Variants in SYP observed in about 807,000 individuals in gnomAD.
SYP encodes the protein major synaptic vesicle protein P38.
Under a neutral mutation model 24.3 loss-of-function variants are expected in SYP, and 2 were observed. That is an observed-to-expected ratio of 0.08 (90% CI 0.03 to 0.26). The LOEUF (loss-of-function observed/expected upper bound fraction) is 0.26. Ranked by LOEUF, SYP falls within the 10% of genes least tolerant of loss-of-function variation. SYP has a pLI of 1.00. For missense variants in SYP, 216 were observed against 266.3 expected (o/e 0.81, Z 1.32); for synonymous variants, 143 against 123.2 (o/e 1.16, Z -1.07).
chrX:49,196,709 C>T (rs1285880453), intron 3 of SYP, among the ~76,000 whole-genome samples: 1 of 111,804 alleles, frequency 8.9e-6, no homozygotes, highest in Non-Finnish European at 1.9e-5. Flanking sequence ...TCTGTCATCC[C>T]ACCCTGCAGG....
Position 49,199,022 on chromosome X carries a change from C to T in SYP, c.48G>A (p.Gly16=). The T allele has an allele frequency of 8.3e-7, 1 of 1,211,585 alleles. No homozygotes were observed. The highest frequency in any genetic ancestry group is 1.7e-5 in the African/African-American group (1 of 57,824). Residue 16 remains glycine (G), a synonymous_variant, in exon 2 of 7, where the codon GGG becomes GGA. Transcript: ENST00000263233. ...GCTCCTTGACCACCCGGAACTGACC[C>T]CCAGCCACCAGCTGAGGAGAGAAAC... ...DMDVVNQLVA[G]GQFRVVKEPL...
chrX:49,191,897 C>T (rs1239742252), intron 5 of SYP, 134 bp from the exon 6 acceptor site: 1 of 726,539 alleles, frequency 1.4e-6, no homozygotes, highest in Non-Finnish European at 2.1e-6. Context: ...CTCTCTGAGT[C>T]CCAGTGCGAG....
At chrX:49,193,535 G>A in intron 4 of SYP, 72 bp from the exon 5 acceptor site, 2 of 1,095,323 alleles carry the variant, frequency 1.8e-6, no homozygotes, top group Non-Finnish European at 2.5e-6. Flanking sequence ...GGGCCTCCTC[G>A]GATCACAGGT....
At chrX:49,198,009 G>T in intron 2 of SYP, 170 bp from the exon 3 acceptor site, 2 of 568,617 alleles carry the variant, frequency 3.5e-6, no homozygotes, top group Non-Finnish European at 2.9e-6. Context: ...TGATTACAAG[G>T]GTATGGCTGT....
rs1303504690 is a variant in SYP at position 49,188,876 on chromosome X, A to T, written c.*411T>A. The T allele has an allele frequency of 9.0e-6, 1 of 111,299 alleles. No individual in the cohort carries two copies. The allele number at this position is 111,299 out of a possible 1,213,427, so 9.2% of individuals were successfully genotyped here. On this transcript the variant is annotated 3_prime_UTR_variant, in exon 7 of 7. Coordinates refer to ENST00000263233, the MANE Select transcript of SYP (RefSeq NM_003179.3). The stretch of plus-strand genomic sequence containing the variant: ...TTGTTCAGGCAGGCATTGCTGGAGG[A>T]ACCAAGGCCAGAGTTGGGAGGAGTG...
intron 5 of SYP, 53 bp downstream of exon 5, chrX:49,193,219 C>T (rs1255653988): frequency 2.9e-5 from 34 of 1,174,072 alleles, no homozygotes; most frequent in Non-Finnish European, 3.6e-5. Context: ...ACTCCCCATG[C>T]CGGACTGTAC....
Position 49,200,153 on chromosome X carries a change from G to C in SYP, c.34C>G (p.Gln12Glu), listed in dbSNP as rs1291508265. 4.3e-6 allele frequency: 5 copies of C among 1,164,694 alleles called. No homozygotes were observed. The highest frequency in any genetic ancestry group is 5.7e-6 in the Non-Finnish European group (5 of 871,926). ...GTCCACGGTGCTGGAGCGCGTACCT[G>C]ATTCACCACGTCCATGTCCGCCAGC... Reference protein sequence around the residue: ...LLLADMDVVNQLVAGGQFRVV... With the variant: ...LLLADMDVVNELVAGGQFRVV... The change falls in exon 1 of 7, where the codon CAG (glutamine) becomes GAG (glutamate). Residue 12 changes from glutamine (Q) to glutamate (E), a missense_variant and splice_region_variant. Coordinates refer to ENST00000263233, the MANE Select transcript of SYP (RefSeq NM_003179.3).
intron 3 of SYP, 44 bp downstream of exon 3, chrX:49,197,671 C>T: frequency 8.4e-7 from 1 of 1,196,980 alleles, no homozygotes. Context: ...CCACCCTGCC[C>T]CTTCCTCTCC....
rs1557102987 is a variant in SYP at position 49,193,311 on chromosome X, C to T, written c.576G>A (p.Glu192=). Residue 192 remains glutamate, a synonymous_variant, in exon 5 of 7, where the codon GAG becomes GAA. Transcript: ENST00000263233. ...GTCCCGAGGTCACAGGGTCTCTCAGCTCCTTGCATGTGTTCCCTGTCTGGC... is the reference window on the plus strand; with the variant it reads ...GTCCCGAGGTCACAGGGTCTCTCAGTTCCTTGCATGTGTTCCCTGTCTGGC... ...VCRQTGNTCK[E]LRDPVTSGLN... The T allele has an allele frequency of 1.6e-6, 2 of 1,212,307 alleles. No individual in the cohort carries two copies.
At chrX:49,193,189 T>A in intron 5 of SYP, 83 bp downstream of exon 5, 1 of 1,100,939 alleles carries the variant, frequency 9.1e-7, no homozygotes, top group Non-Finnish European at 1.2e-6. Flanking sequence ...CTGACTCTCC[T>A]CTTATTCTCC....
At chrX:49,191,819 C>T in intron 5 of SYP, 56 bp from the exon 6 acceptor site, 1 of 1,132,004 alleles carries the variant, frequency 8.8e-7, no homozygotes, top group Non-Finnish European at 1.2e-6. Context: ...GGCGGCCCTG[C>T]GTGCAGGAAT....
intron 3 of SYP, chrX:49,197,341 T>G (rs2147883969): frequency 5.3e-6 from 1 of 188,968 alleles, no homozygotes; most frequent in African/African-American, 2.9e-5. Flanking sequence ...GTACCAGATA[T>G]AAAATAAGTT....
chrX:49,195,927 G>A (rs1054935136), intron 3 of SYP, among the ~76,000 whole-genome samples: 2 of 111,983 alleles, frequency 1.8e-5, no homozygotes, highest in Admixed American at 9.4e-5. Flanking sequence ...CCTAAATGAT[G>A]GAGCTAGGAG....
In SYP at chrX:49,191,533, G is replaced by C. The variant is rs781911441; in HGVS notation, c.846C>G (p.Ala282=). The C allele has an allele frequency of 8.3e-7, 1 of 1,210,998 alleles. No homozygotes were observed. The highest frequency in any genetic ancestry group is 1.8e-5 in the South Asian group (1 of 56,908). ...GGYQPDYGQP[A]GSGGSGYGPQ... is the part of the protein sequence containing the mutation. Reference sequence around the variant, plus strand: ...GCCCGTAGCCACTGCCACCGCTGCCGGCTGGTTGACCATAGTCAGGCTGGT... The same window carrying C: ...GCCCGTAGCCACTGCCACCGCTGCCCGCTGGTTGACCATAGTCAGGCTGGT... The change falls in exon 6 of 7, where the codon GCC becomes GCG. Residue 282 remains alanine (A), a synonymous_variant. Transcript: ENST00000263233.
intron 3 of SYP, among the ~76,000 whole-genome samples, chrX:49,195,244 C>T (rs2065524836): frequency 9.3e-6 from 1 of 108,088 alleles, no homozygotes; most frequent in African/African-American, 3.4e-5. Flanking sequence ...GTGTTTTCAC[C>T]TCCGTTTATC....
chrX:49,197,570 G>A (rs1164519689), intron 3 of SYP, 145 bp downstream of exon 3: 2 of 869,241 alleles, frequency 2.3e-6, no homozygotes, highest in East Asian at 3.4e-5. Flanking sequence ...GCAGTGCCAG[G>A]TACAAGGCAG....
At chrX:49,191,103 C>T (rs1273145570) in intron 6 of SYP, 5 of 343,262 alleles carry the variant, frequency 1.5e-5, no homozygotes, top group African/African-American at 7.8e-5. Flanking sequence ...CGCTGATTCG[C>T]CACTGCGCAA....
intron 3 of SYP, chrX:49,197,030 C>T (rs1201170401): frequency 1.0e-5 from 1 of 98,600 alleles, no homozygotes; most frequent in African/African-American, 3.8e-5. Context: ...GATGGAGTTT[C>T]GCTCTTGTTG....
chrX:49,193,149 C>T (rs918548165), intron 5 of SYP, 123 bp downstream of exon 5: 27 of 795,210 alleles, frequency 3.4e-5, no homozygotes, highest in Non-Finnish European at 3.9e-5. Context: ...TGTTGGCACG[C>T]GTTCTTCAGG....
Sources: gnomAD v4.1 joint callset for allele counts (sites outside exome capture counted in the v4.1 genomes callset) on GRCh38, gnomAD v4.1.1 for gene constraint, MANE v1.5 for transcripts, NCBI Gene and HGNC (gene_info 2026-07-23, HGNC 2026-07-21) for gene names.